The following ACTN3 variants were observed in gnomAD, a reference collection of about 807,000 sequenced individuals.
The protein encoded by ACTN3 is alpha-actinin-3.
In ACTN3, 91 loss-of-function variants were observed where a neutral mutation model predicts 119.6. The ratio of observed to expected loss-of-function variants is 0.76; its 90% CI spans 0.64 to 0.91. The LOEUF is 0.91. ACTN3 is among the 40% of genes least tolerant of loss of function. The pLI, the probability that ACTN3 is intolerant of heterozygous loss-of-function variation, is 0.00. For synonymous variants in ACTN3, 456 were observed against 478.8 expected (o/e 0.95, Z 0.62); for missense variants, 1,221 against 1,215.1 (o/e 1.00, Z -0.07).
In ACTN3 at chr11:66,561,372, G is replaced by A; in HGVS notation, c.1995+11G>A. 1 of 1,608,778 alleles carries A rather than the reference G, an allele frequency of 6.2e-7. No homozygotes were observed. Among genetic ancestry groups the A allele is most frequent in the Non-Finnish European group, 8.5e-7 (1 of 1,177,034 alleles). ...CAGGCGAAGGTGGAGGTAAGGGCTG[G>A]GATAGTGGGTCCAACCTGGGGGGAT... On this transcript the variant is annotated intron_variant, in intron 16 of 20. Coordinates refer to ENST00000513398, the MANE Select transcript of ACTN3 (RefSeq NM_001104.4).
intron 19 of ACTN3, 72 bp downstream of exon 19, chr11:66,562,394 C>A: frequency 6.7e-7 from 1 of 1,485,152 alleles, no homozygotes; most frequent in African/African-American, 1.4e-5. Context: ...CTACTGTGCA[C>A]CTCCCATCTT....
intron 17 of ACTN3, 114 bp from the exon 18 acceptor site, chr11:66,561,908 G>T: frequency 7.6e-7 from 1 of 1,308,032 alleles, no homozygotes; most frequent in Non-Finnish European, 1.1e-6. Flanking sequence ...TGGGGATGGA[G>T]GCCCAGTGAG....
chr11:66,561,771 C>A, intron 17 of ACTN3, 134 bp downstream of exon 17: 1 of 1,174,636 alleles, frequency 8.5e-7, no homozygotes, highest in Non-Finnish European at 1.2e-6. Flanking sequence ...TAAGACCCAG[C>A]GATGGAAAGT....
At position 66,563,182 on chromosome 11, in the gene ACTN3, A is replaced by G; in HGVS notation, c.2695A>G (p.Ser899Gly). The change falls in exon 21 of 21, where the codon AGC (serine) becomes GGC (glycine). Residue 899 changes from serine to glycine, a missense_variant. By Grantham distance (56) the Ser-to-Gly change is moderately conservative. Transcript: ENST00000513398. ...VAFSSALYGE[S>G]DL is the part of the protein sequence containing the mutation. ...CTTCTCCAGTGCCCTCTATGGGGAG[A>G]GCGACCTTTGACCCCAACCACTGAG... 3.7e-6 allele frequency: 6 copies of G among 1,603,888 alleles called. No homozygotes were observed. Among genetic ancestry groups the G allele is most frequent in the Non-Finnish European group, 5.1e-6 (6 of 1,174,290 alleles).
At chr11:66,557,415 T>TTCAC (rs1938962106) in intron 9 of ACTN3, among the ~76,000 whole-genome samples, 190 bp downstream of exon 9, 1 of 152,234 alleles carries the variant, frequency 6.6e-6, no homozygotes, top group Non-Finnish European at 1.5e-5. Flanking sequence ...CAGTCATTGA[T>TTCAC]TCACTCATCA....
At chr11:66,546,698 A>G, upstream of ACTN3, 1 of 1,534,196 alleles carries the variant, frequency 6.5e-7, no homozygotes, top group East Asian at 2.4e-5. Flanking sequence ...GCAGCGGAGC[A>G]GGAATGCAAA....
At chr11:66,547,659 T>C (rs905017232) in intron 1 of ACTN3, among the ~76,000 whole-genome samples, 3 of 152,146 alleles carry the variant, frequency 2.0e-5, no homozygotes, top group Non-Finnish European at 4.4e-5. Flanking sequence ...CCTGAGGATC[T>C]TTACCCTTTT....
At position 66,563,221 on chromosome 11, in the gene ACTN3, G is replaced by T; in HGVS notation, c.*28G>T. ...CCAACCACTGAGGTTCTCTATGCAA[G>T]ATGGAGAGAGGATGCACCCTGTGGC... On this transcript the variant is annotated 3_prime_UTR_variant, in exon 21 of 21. Coordinates refer to ENST00000513398, the MANE Select transcript of ACTN3 (RefSeq NM_001104.4). 6.4e-7 allele frequency: 1 copy of T among 1,573,256 alleles called. No homozygotes were observed. The highest frequency in any genetic ancestry group is 1.1e-5 in the South Asian group (1 of 87,076).
chr11:66,558,297 G>T, intron 11 of ACTN3, 123 bp downstream of exon 11: 1 of 1,407,448 alleles, frequency 7.1e-7, no homozygotes. Context: ...AGGAAAGCCA[G>T]AGACTGGATT....
chr11:66,562,604 C>T (rs1442037218), intron 19 of ACTN3, among the ~76,000 whole-genome samples, 192 bp from the exon 20 acceptor site: 1 of 152,120 alleles, frequency 6.6e-6, no homozygotes, highest in Non-Finnish European at 1.5e-5. Flanking sequence ...CTGCTTCCTG[C>T]TGTGGGTAGG....
chr11:66,558,280 G>A, intron 11 of ACTN3, 106 bp downstream of exon 11: 2 of 1,484,834 alleles, frequency 1.3e-6, no homozygotes, highest in South Asian at 2.6e-5. Context: ...AAGGGTAGGT[G>A]CTCTGCAGGA....
Position 66,559,585 on chromosome 11 carries a change from A to T in ACTN3, c.1427+199A>T, listed in dbSNP as rs1590810126. On this transcript the variant is annotated intron_variant, in intron 12 of 20. Transcript: ENST00000513398. The stretch of plus-strand genomic sequence containing the variant: ...CTCCGGACCCCGCTCTGCTGCTCAC[A>T]CTCTTCCCACTGGCGCTTGACCTGT... 2.6e-5 allele frequency among the ~76,000 whole-genome samples: 3 copies of T among 114,766 alleles called. No individual in the cohort carries two copies. The South Asian group carries it at 8.5e-4, about 32-fold the overall frequency. The allele number at this position is 114,766 out of a possible 152,430, so 75.3% of individuals were successfully genotyped here.
At chr11:66,552,497 T>C (rs184728197) in intron 3 of ACTN3, among the ~76,000 whole-genome samples, 18 of 152,286 alleles carry the variant, frequency 1.2e-4, no homozygotes, top group Admixed American at 9.1e-4. Flanking sequence ...TCTCAGCTAC[T>C]TGGCAGACTG....
chr11:66,559,468 C>G, intron 12 of ACTN3, 82 bp downstream of exon 12: 1 of 1,304,628 alleles, frequency 7.7e-7, no homozygotes, highest in Non-Finnish European at 1.0e-6. Context: ...CCCCATTGCC[C>G]TTCTCAAGAC....
In ACTN3 at chr11:66,551,620, G is replaced by A. The variant is rs750243492; in HGVS notation, c.355G>A (p.Val119Ile). 3.1e-6 allele frequency: 5 copies of A among 1,613,796 alleles called. No individual in the cohort carries two copies. The highest frequency in any genetic ancestry group is 2.7e-5 in the African/African-American group (2 of 74,940). Residue 119 changes from valine (V) to isoleucine (I), a missense_variant, in exon 3 of 21, where the codon GTT becomes ATT. Physicochemically the swap from Val to Ile is conservative, Grantham distance 29 (BLOSUM62 3). Coordinates refer to ENST00000513398, the MANE Select transcript of ACTN3 (RefSeq NM_001104.4). Reference protein sequence around the residue: ...KALDFIASKGVKLVSIGAEEI... With the variant: ...KALDFIASKGIKLVSIGAEEI... ...CCTGGACTTCATTGCCAGCAAGGGG[G>A]TTAAACTGGTGTCCATTGGTGCTGA...
In ACTN3 at chr11:66,558,347, T is replaced by C. The variant is rs143458538; in HGVS notation, c.1276+173T>C. On this transcript the variant is annotated intron_variant, in intron 11 of 20. Transcript: ENST00000513398. ...GACTTGCTGTGGTGCAACCTAGGCCTCTCTTTTGGCCACTGCCCCTCTGTG... is the reference window on the plus strand; with the variant it reads ...GACTTGCTGTGGTGCAACCTAGGCCCCTCTTTTGGCCACTGCCCCTCTGTG... 85 of 505,124 alleles carry C rather than the reference T, an allele frequency of 1.7e-4. 1 individual carries two copies. The East Asian group carries it at 0.012, about 70-fold the overall frequency. The allele number at this position is 505,124 out of a possible 1,614,324, so 31.3% of individuals were successfully genotyped here.
At position 66,547,027 on chromosome 11, in the gene ACTN3, G is replaced by C; in HGVS notation, c.90G>C (p.Glu30Asp). Reference protein sequence around the residue: ...GGGGGEYMEQEEDWDRDLLLD... With the variant: ...GGGGGEYMEQDEDWDRDLLLD... ...GGGGCGGCGAGTACATGGAACAGGA[G>C]GAGGACTGGGACCGCGACCTGCTGC... Residue 30 changes from glutamate to aspartate, a missense_variant, in exon 1 of 21, where the codon GAG (glutamate) becomes GAC (aspartate). Glu to Asp is a conservative substitution (Grantham distance 45). This residue lies in a region of ACTN3 where 239 missense variants were observed against 231.8 expected (regional missense o/e 1.03). Transcript: ENST00000513398. The C allele has an allele frequency of 6.6e-7, 1 of 1,519,298 alleles. No homozygotes were observed. Among genetic ancestry groups the C allele is most frequent in the Non-Finnish European group, 8.8e-7 (1 of 1,136,654 alleles). The allele number at this position is 1,519,298 out of a possible 1,614,324, so 94.1% of individuals were successfully genotyped here. A position where few individuals can be genotyped will look rare whatever the true frequency, so the allele number is the denominator to read the frequency against.
intron 13 of ACTN3, 46 bp downstream of exon 13, chr11:66,560,122 G>A: frequency 6.4e-7 from 1 of 1,551,908 alleles, no homozygotes; most frequent in Non-Finnish European, 8.7e-7. Flanking sequence ...GGTGGGTGAG[G>A]CCAGGTCTGC....
intron 1 of ACTN3, among the ~76,000 whole-genome samples, chr11:66,549,504 G>A (rs375218111): frequency 2.0e-5 from 3 of 152,190 alleles, no homozygotes; most frequent in African/African-American, 7.2e-5. Flanking sequence ...GACGGAGGGG[G>A]GCGGATCACC....
Sources: allele counts gnomAD v4.1 joint callset (sites outside exome capture counted in the v4.1 genomes callset), GRCh38; gene constraint gnomAD v4.1.1; regional missense constraint gnomAD v4.1.1; transcripts MANE v1.5; gene names NCBI Gene and HGNC (gene_info 2026-07-23, HGNC 2026-07-21).